Variants in SLC25A26 observed in about 807,000 individuals in gnomAD.
SLC25A26 encodes the protein mitochondrial S-adenosylmethionine carrier protein.
A neutral mutation model predicts 37.8 loss-of-function variants in SLC25A26; 36 were observed. The observed-to-expected ratio is 0.95, with a 90% CI of 0.73 to 1.26. The LOEUF is 1.26. Among genes scored for constraint, SLC25A26 ranks in the 50% most tolerant of loss-of-function variants. SLC25A26 has a pLI of 0.00. For missense variants in SLC25A26, 390 were observed against 331.1 expected (o/e 1.18, Z -1.38); for synonymous variants, 129 against 122.5 (o/e 1.05, Z -0.35).
At chr3:66,332,230 A>G (rs13320022) in intron 5 of SLC25A26, among the ~76,000 whole-genome samples, 27,120 of 152,024 alleles carry the variant, frequency 0.18, 4,537 homozygotes, top group African/African-American at 0.45. Flanking sequence ...GAGCCACCAC[A>G]GCCTGCCTCC....
chr3:66,320,444 C>A (rs2075664014), intron 5 of SLC25A26, among the ~76,000 whole-genome samples: 1 of 152,078 alleles, frequency 6.6e-6, no homozygotes, highest in Non-Finnish European at 1.5e-5. Context: ...AACCCCATTC[C>A]CTCTTTGAAT....
At chr3:66,230,081 T>C (rs150246420) in intron 1 of SLC25A26, among the ~76,000 whole-genome samples, 151,755 of 152,314 alleles carry the variant, frequency 1, 75,602 homozygotes, top group Middle Eastern at 1. Flanking sequence ...TGCAAGATTT[T>C]TTCTGAACAT....
upstream of SLC25A26, chr3:66,220,922 C>A: frequency 1.4e-6 from 1 of 711,926 alleles, no homozygotes; most frequent in Non-Finnish European, 2.4e-6. Flanking sequence ...CCTCTCTGGC[C>A]CTCCCCTAGG....
At chr3:66,151,506 C>T (rs1438318004) in intron 1 of SLC25A26, among the ~76,000 whole-genome samples, 3 of 152,202 alleles carry the variant, frequency 2.0e-5, no homozygotes, top group African/African-American at 7.2e-5. Flanking sequence ...TCTAACTTGG[C>T]TTGTAATGTG....
intron 1 of SLC25A26, among the ~76,000 whole-genome samples, chr3:66,138,989 C>T (rs930891999): frequency 6.6e-6 from 1 of 152,124 alleles, no homozygotes; most frequent in Non-Finnish European, 1.5e-5. Flanking sequence ...TGATTGATTA[C>T]TTATTCAGTT....
chr3:66,169,122 G>A (rs928905747), intron 1 of SLC25A26, among the ~76,000 whole-genome samples: 4 of 152,078 alleles, frequency 2.6e-5, no homozygotes, highest in Admixed American at 2.6e-4. Context: ...AAGACCCTGT[G>A]TCTAAAAGAA....
chr3:66,355,254 T>A (rs190405770), intron 6 of SLC25A26, among the ~76,000 whole-genome samples: 1 of 152,120 alleles, frequency 6.6e-6, no homozygotes, highest in African/African-American at 2.4e-5. Context: ...GATTTTCTTA[T>A]AAATTCTTAA....
chr3:66,334,444 A>G (rs1327164522), intron 5 of SLC25A26, among the ~76,000 whole-genome samples: 1 of 152,062 alleles, frequency 6.6e-6, no homozygotes, highest in Non-Finnish European at 1.5e-5. Context: ...CCTCCCGAGT[A>G]GCTGGGATTA....
At chr3:66,159,167 T>A (rs895870399) in intron 1 of SLC25A26, among the ~76,000 whole-genome samples, 4 of 152,192 alleles carry the variant, frequency 2.6e-5, no homozygotes, top group Non-Finnish European at 5.9e-5. Flanking sequence ...AGGCGAGGGA[T>A]GTGAACCTCT....
intron 1 of SLC25A26, among the ~76,000 whole-genome samples, chr3:66,204,319 G>T (rs1193284265): frequency 6.0e-5 from 9 of 150,570 alleles, no homozygotes; most frequent in Admixed American, 4.6e-4. Flanking sequence ...CCAGCTACTC[G>T]GGAGGCTGAG....
chr3:66,155,193 C>T (rs889862532), intron 1 of SLC25A26, among the ~76,000 whole-genome samples: 1 of 152,190 alleles, frequency 6.6e-6, no homozygotes, highest in Non-Finnish European at 1.5e-5. Context: ...TCAATAAATA[C>T]TTGCTAAATT....
chr3:66,223,011 A>C (rs782683791), intron 1 of SLC25A26, among the ~76,000 whole-genome samples: 11 of 152,026 alleles, frequency 7.2e-5, no homozygotes, highest in Admixed American at 2.0e-4. Flanking sequence ...CATTCAGCAC[A>C]CAATTTTTCT....
intron 5 of SLC25A26, among the ~76,000 whole-genome samples, chr3:66,343,974 CG>C (rs1012306489): frequency 1.7e-4 from 26 of 151,988 alleles, no homozygotes; most frequent in Admixed American, 7.2e-4. Context: ...CTTCGACATT[CG>C]GGGGGGCTGG....
intron 7 of SLC25A26, among the ~76,000 whole-genome samples, chr3:66,364,549 C>T (rs527278692): frequency 6.0e-4 from 92 of 152,296 alleles, no homozygotes; most frequent in African/African-American, 2.0e-3. Context: ...GACTTTGGGA[C>T]CCTCCTGAGT....
chr3:66,187,953 C>T (rs1429330806), intron 1 of SLC25A26, among the ~76,000 whole-genome samples: 1 of 152,138 alleles, frequency 6.6e-6, no homozygotes, highest in African/African-American at 2.4e-5. Context: ...ACCTATCCCT[C>T]ACCACATACC....
chr3:66,152,101 G>A (rs978308371), intron 1 of SLC25A26, among the ~76,000 whole-genome samples: 1 of 152,156 alleles, frequency 6.6e-6, no homozygotes, highest in Admixed American at 6.5e-5. Context: ...CAGTGCTTGA[G>A]AGATCCGTTA....
chr3:66,197,408 G>A (rs946240486), intron 1 of SLC25A26, among the ~76,000 whole-genome samples: 3 of 152,124 alleles, frequency 2.0e-5, no homozygotes, highest in Non-Finnish European at 4.4e-5. Context: ...GCATCAAGTG[G>A]AGTGTTACAA....
At chr3:66,371,133 C>A in intron 9 of SLC25A26, 1 of 1,426,802 alleles carries the variant, frequency 7.0e-7, no homozygotes, top group Non-Finnish European at 9.2e-7. Context: ...TGCTTTGACA[C>A]CATAAACTTG....
intron 5 of SLC25A26, among the ~76,000 whole-genome samples, chr3:66,325,674 T>G (rs1055770587): frequency 2.0e-5 from 3 of 152,066 alleles, no homozygotes; most frequent in Non-Finnish European, 2.9e-5. Flanking sequence ...AGAGGAATCA[T>G]ATGTAAGAAG....
Sources: allele counts gnomAD v4.1 joint callset (sites outside exome capture counted in the v4.1 genomes callset), GRCh38; gene constraint gnomAD v4.1.1; transcripts MANE v1.5; gene names NCBI Gene and HGNC (gene_info 2026-07-23, HGNC 2026-07-21).